The following GLRA2 variants were observed in gnomAD, a reference collection of about 807,000 sequenced individuals.
GLRA2 encodes glycine receptor alpha 2, also known as glycine receptor subunit alpha-2.
In GLRA2, 11 loss-of-function variants were observed where a neutral mutation model predicts 31.6. The ratio of observed to expected loss-of-function variants is 0.35; its 90% confidence interval spans 0.22 to 0.58. The LOEUF is 0.58. GLRA2 is among the 20% of genes least tolerant of loss of function. The pLI is 0.84. For missense variants in GLRA2, 212 were observed against 351.8 expected (o/e 0.60, Z 3.18); for synonymous variants, 132 against 134.0 (o/e 0.99, Z 0.10).
intron 7 of GLRA2, among the ~76,000 whole-genome samples, chrX:14,689,813 T>C (rs1230158297): frequency 8.9e-6 from 1 of 112,180 alleles, no homozygotes; most frequent in Non-Finnish European, 1.9e-5. Context: ...CCTCCAATTA[T>C]TTTTCCCTTT....
the GLRA2 span, among the ~76,000 whole-genome samples, chrX:14,458,698 C>T: frequency 1.3e-4 from 14 of 111,908 alleles, no homozygotes; most frequent in East Asian, 5.6e-4. Flanking sequence ...TCATATCCTT[C>T]GCCCACTTGT....
At chrX:14,493,637 A>G in the GLRA2 span, among the ~76,000 whole-genome samples, 1 of 95,778 alleles carries the variant, frequency 1.0e-5, no homozygotes, top group African/African-American at 4.5e-5. Context: ...ATATACATAT[A>G]TACATATATA....
chrX:14,568,549 C>T (rs941327011), intron 2 of GLRA2, among the ~76,000 whole-genome samples: 6 of 110,024 alleles, frequency 5.5e-5, no homozygotes, highest in African/African-American at 9.9e-5. Flanking sequence ...AAAAATTAGC[C>T]GGGCGTGGTG....
At chrX:14,519,754 T>A in the GLRA2 span, among the ~76,000 whole-genome samples, 1 of 112,071 alleles carries the variant, frequency 8.9e-6, no homozygotes, top group African/African-American at 3.2e-5. Context: ...CCCACTTTCA[T>A]AATATTTATT....
At chrX:14,451,890 G>A in the GLRA2 span, among the ~76,000 whole-genome samples, 1 of 110,530 alleles carries the variant, frequency 9.0e-6, no homozygotes, top group African/African-American at 3.3e-5. Flanking sequence ...AATGATAAAG[G>A]GTTGAATTCA....
At chrX:14,508,857 A>G in the GLRA2 span, among the ~76,000 whole-genome samples, 2 of 111,705 alleles carry the variant, frequency 1.8e-5, no homozygotes, top group East Asian at 5.6e-4. Flanking sequence ...CCAGGATTCA[A>G]ACACAAAGCT....
chrX:14,482,606 G>A, the GLRA2 span, among the ~76,000 whole-genome samples: 1 of 111,180 alleles, frequency 9.0e-6, no homozygotes, highest in Non-Finnish European at 1.9e-5. Context: ...GAGTTCATTG[G>A]TATATGAATA....
At chrX:14,566,894 T>TTC (rs1231730263) in intron 2 of GLRA2, among the ~76,000 whole-genome samples, 8 of 110,627 alleles carry the variant, frequency 7.2e-5, no homozygotes, top group East Asian at 2.8e-4. Context: ...CATGGGTCCC[T>TTC]TCTCTCTCTC....
intron 7 of GLRA2, among the ~76,000 whole-genome samples, chrX:14,641,926 A>G (rs2090778518): frequency 8.9e-6 from 1 of 112,466 alleles, no homozygotes; most frequent in African/African-American, 3.2e-5. Flanking sequence ...AGGAGGGCCC[A>G]TGCCAAATTA....
At chrX:14,503,367 G>A in the GLRA2 span, among the ~76,000 whole-genome samples, 1 of 111,086 alleles carries the variant, frequency 9.0e-6, no homozygotes, top group African/African-American at 3.3e-5. Context: ...CCTCCTGAAG[G>A]AGCTCTGCTG....
At chrX:14,689,427 A>G (rs1212170672) in intron 7 of GLRA2, among the ~76,000 whole-genome samples, 1 of 112,733 alleles carries the variant, frequency 8.9e-6, no homozygotes, top group African/African-American at 3.2e-5. Context: ...GGAAATGCTC[A>G]GTATAAAGGT....
the GLRA2 span, among the ~76,000 whole-genome samples, chrX:14,509,864 A>G: frequency 1.8e-5 from 2 of 112,117 alleles, no homozygotes; most frequent in Non-Finnish European, 1.9e-5. Context: ...GTGCAAAGGC[A>G]TAATAGAGCA....
At chrX:14,518,990 C>A in the GLRA2 span, among the ~76,000 whole-genome samples, 4 of 77,596 alleles carry the variant, frequency 5.2e-5, no homozygotes, top group East Asian at 3.9e-4. Flanking sequence ...CCAGCCTGGG[C>A]AACAGAGCCA....
chrX:14,640,132 T>C (rs781438975), intron 7 of GLRA2, among the ~76,000 whole-genome samples: 1 of 111,598 alleles, frequency 9.0e-6, no homozygotes, highest in African/African-American at 3.3e-5. Context: ...ATGTTTGCTT[T>C]CCTTAAGGAT....
chrX:14,562,043 CA>C (rs770326346), intron 2 of GLRA2, among the ~76,000 whole-genome samples: 2 of 111,933 alleles, frequency 1.8e-5, no homozygotes, highest in Admixed American at 1.9e-4. Context: ...ATCTAAAAAA[CA>C]AAAAAATCTA....
At chrX:14,708,806 C>T (rs1018117799) in intron 8 of GLRA2, among the ~76,000 whole-genome samples, 5 of 111,389 alleles carry the variant, frequency 4.5e-5, no homozygotes, top group African/African-American at 9.8e-5. Flanking sequence ...CACGGTGGCT[C>T]ATGCCTGTAA....
At chrX:14,612,560 A>G (rs768884796) in intron 7 of GLRA2, among the ~76,000 whole-genome samples, 2 of 111,369 alleles carry the variant, frequency 1.8e-5, no homozygotes, top group Non-Finnish European at 3.8e-5. Flanking sequence ...AATACCAAAG[A>G]CTTGGAACCA....
At chrX:14,730,069 A>G (rs910461969) in intron 8 of GLRA2, 138 bp from the exon 9 acceptor site, 5 of 502,272 alleles carry the variant, frequency 1.0e-5, no homozygotes, top group Non-Finnish European at 1.4e-5. Context: ...TGAACTTGAA[A>G]GAGAACTCGC....
intron 8 of GLRA2, among the ~76,000 whole-genome samples, chrX:14,713,076 G>A (rs1452418183): frequency 2.7e-5 from 3 of 112,172 alleles, no homozygotes; most frequent in Non-Finnish European, 5.6e-5. Context: ...TTGGCACCAA[G>A]TGTGTGGATA....
Sources: allele counts gnomAD v4.1 joint callset (sites outside exome capture counted in the v4.1 genomes callset), GRCh38; gene constraint gnomAD v4.1.1; transcripts MANE v1.5; gene names NCBI Gene and HGNC (gene_info 2026-07-23, HGNC 2026-07-21).